Variants in CHST11 observed in about 807,000 individuals in gnomAD.
CHST11 encodes C4S-1.
Under a neutral mutation model 30.4 loss-of-function variants are expected in CHST11, and 9 were observed. The observed-to-expected ratio is 0.30, with a 90% CI of 0.18 to 0.52. The LOEUF is 0.52. CHST11 is among the 20% of genes least tolerant of loss of function. The pLI is 0.97. For missense variants in CHST11, 348 were observed against 460.6 expected, an observed-to-expected ratio of 0.76 and a Z score of 2.24; for synonymous variants, 152 against 187.8, an observed-to-expected ratio of 0.81 and a Z score of 1.56.
At chr12:104,488,548 C>T (rs546388506) in intron 1 of CHST11, among the ~76,000 whole-genome samples, 39 of 121,260 alleles carry the variant, frequency 3.2e-4, no homozygotes, top group Admixed American at 7.4e-4. Context: ...TGTATGTGTG[C>T]GTGTATGTGT....
At chr12:104,624,904 C>T (rs1027979293) in intron 2 of CHST11, among the ~76,000 whole-genome samples, 6 of 152,222 alleles carry the variant, frequency 3.9e-5, no homozygotes, top group South Asian at 4.1e-4. Context: ...GGTCTTTCCA[C>T]GGTGCCCGTG....
intron 1 of CHST11, among the ~76,000 whole-genome samples, chr12:104,521,101 A>T (rs1243772628): frequency 6.6e-6 from 1 of 152,214 alleles, no homozygotes; most frequent in East Asian, 1.9e-4. Flanking sequence ...TCTCCCAGTG[A>T]AGTTGCTCAA....
chr12:104,693,249 T>C (rs1312611928), intron 2 of CHST11, among the ~76,000 whole-genome samples: 2 of 152,228 alleles, frequency 1.3e-5, no homozygotes, highest in African/African-American at 4.8e-5. Context: ...TGCTGGGGGC[T>C]AAGACTTCAA....
At chr12:104,623,318 A>G (rs140565112) in intron 2 of CHST11, among the ~76,000 whole-genome samples, 1 of 152,348 alleles carries the variant, frequency 6.6e-6, no homozygotes, top group African/African-American at 2.4e-5. Flanking sequence ...TGGTGAGACA[A>G]TGGAAGCTGT....
intron 2 of CHST11, among the ~76,000 whole-genome samples, chr12:104,633,038 A>T (rs1295118842): frequency 6.6e-6 from 1 of 152,222 alleles, no homozygotes; most frequent in Non-Finnish European, 1.5e-5. Context: ...GAGCATGCTC[A>T]TGGGCAGGGA....
At chr12:104,691,132 C>T (rs1450468979) in intron 2 of CHST11, among the ~76,000 whole-genome samples, 1 of 152,188 alleles carries the variant, frequency 6.6e-6, no homozygotes, top group African/African-American at 2.4e-5. Context: ...GAACAGATGG[C>T]CTTAGACAGG....
intron 2 of CHST11, among the ~76,000 whole-genome samples, chr12:104,679,860 A>G (rs777463992): frequency 4.5e-4 from 68 of 152,190 alleles, no homozygotes; most frequent in Non-Finnish European, 8.8e-4. Context: ...ACTCTTGTCA[A>G]AGGGTGGCGG....
chr12:104,486,692 A>T (rs1215364557), intron 1 of CHST11, among the ~76,000 whole-genome samples: 1 of 152,200 alleles, frequency 6.6e-6, no homozygotes, highest in Non-Finnish European at 1.5e-5. Context: ...GCTCCCTGGC[A>T]CAAACCGAAT....
At chr12:104,685,489 CATT>C (rs1160561016) in intron 2 of CHST11, among the ~76,000 whole-genome samples, 2 of 152,176 alleles carry the variant, frequency 1.3e-5, no homozygotes, top group African/African-American at 4.8e-5. Context: ...GAATATTCAT[CATT>C]AAGACATAAT....
intron 2 of CHST11, among the ~76,000 whole-genome samples, chr12:104,685,653 C>T (rs1189799115): frequency 6.6e-6 from 1 of 152,142 alleles, no homozygotes; most frequent in East Asian, 1.9e-4. Context: ...ATGTGGGGTG[C>T]TTGGCACATA....
At chr12:104,737,236 AT>A (rs2040308729) in intron 2 of CHST11, among the ~76,000 whole-genome samples, 1 of 152,226 alleles carries the variant, frequency 6.6e-6, no homozygotes, top group South Asian at 2.1e-4. Flanking sequence ...GCTCCTTGCC[AT>A]CCCCCGTGGG....
intron 1 of CHST11, among the ~76,000 whole-genome samples, chr12:104,571,117 T>C (rs537440598): frequency 6.6e-6 from 1 of 152,056 alleles, no homozygotes; most frequent in Non-Finnish European, 1.5e-5. Flanking sequence ...TGAGGTCACA[T>C]AGCTAGCAGG....
intron 2 of CHST11, among the ~76,000 whole-genome samples, chr12:104,692,596 C>T (rs1367841023): frequency 6.6e-6 from 1 of 152,130 alleles, no homozygotes; most frequent in Admixed American, 6.5e-5. Context: ...CCAGGGGTCC[C>T]TAATGCCCCT....
intron 1 of CHST11, among the ~76,000 whole-genome samples, chr12:104,532,456 A>G (rs895459699): frequency 3.9e-5 from 6 of 152,150 alleles, no homozygotes; most frequent in African/African-American, 1.4e-4. Flanking sequence ...TGAGTTTATT[A>G]CAAAGAATAC....
At chr12:104,749,799 C>G (rs2040415539) in intron 2 of CHST11, among the ~76,000 whole-genome samples, 1 of 152,220 alleles carries the variant, frequency 6.6e-6, no homozygotes, top group Non-Finnish European at 1.5e-5. Flanking sequence ...AGAAATCTCT[C>G]CTGCCCCATT....
At chr12:104,571,299 G>T (rs1278755033) in intron 1 of CHST11, among the ~76,000 whole-genome samples, 1 of 152,114 alleles carries the variant, frequency 6.6e-6, no homozygotes, top group Non-Finnish European at 1.5e-5. Flanking sequence ...AAGTAGCCGG[G>T]ATTACTGGCA....
chr12:104,698,173 A>G (rs1238099737), intron 2 of CHST11, among the ~76,000 whole-genome samples: 1 of 152,110 alleles, frequency 6.6e-6, no homozygotes, highest in South Asian at 2.1e-4. Flanking sequence ...AACTGTTGCT[A>G]TGGCCTCTCA....
In CHST11 at chr12:104,757,153, G is replaced by A. The variant is rs1489204578; in HGVS notation, c.409G>A (p.Val137Ile). ...CACCAACTGGAAGCGGCTCATGATG[G>A]TCCTGACCGGGCGGGGGAAGTACAG... ...ACTNWKRLMM[V>I]LTGRGKYSDP... Residue 137 changes from valine to isoleucine, a missense_variant, in exon 3 of 3, where the codon GTC becomes ATC. Transcript: ENST00000303694. This position sits in a 1 kb window ranked among gnomAD's most constrained non-coding sequence, Gnocchi z 6.5. 2.5e-6 allele frequency: 4 copies of A among 1,613,988 alleles called. No individual in the cohort carries two copies. The African/African-American group carries it at 4.0e-5, about 16-fold the overall frequency.
chr12:104,467,544 G>C (rs746727103), intron 1 of CHST11, among the ~76,000 whole-genome samples: 2 of 152,182 alleles, frequency 1.3e-5, no homozygotes, highest in Non-Finnish European at 2.9e-5. Flanking sequence ...AAGCTGTATG[G>C]GGAGGGCTGA....
Sources: gnomAD v4.1 joint callset for allele counts (sites outside exome capture counted in the v4.1 genomes callset) on GRCh38, gnomAD v4.1.1 for gene constraint, Gnocchi (gnomAD v3.1) non-coding constraint, MANE v1.5 for transcripts, NCBI Gene and HGNC (gene_info 2026-07-23, HGNC 2026-07-21) for gene names.